Variants in HDAC9 observed in about 807,000 individuals in gnomAD.
HDAC9 encodes the protein MEF-2 interacting transcription repressor (MITR) protein.
Under a neutral mutation model 139.4 loss-of-function variants are expected in HDAC9, and 41 were observed. The ratio of observed to expected loss-of-function variants is 0.29; its 90% CI spans 0.23 to 0.38. The LOEUF is 0.38. Among genes scored for constraint, HDAC9 ranks in the 10% least tolerant of loss-of-function variants. The pLI is 1.00. For synonymous variants in HDAC9, 517 were observed against 476.2 expected (o/e 1.09, Z -1.12); for missense variants, 1,147 against 1,297.0 (o/e 0.88, Z 1.78).
chr7:18,814,244 C>T lies in HDAC9; in HGVS notation c.2323-14917C>T, dbSNP rs538739405. On this transcript the variant is annotated intron_variant, in intron 17 of 25. Transcript: ENST00000686413. Reference sequence around the variant, plus strand: ...ATAACATAAATGGGAAATAATGGTTCCTGAAATAAATTATAGTCTTTAGCA... The same window carrying T: ...ATAACATAAATGGGAAATAATGGTTTCTGAAATAAATTATAGTCTTTAGCA... Among the ~76,000 whole-genome samples, 22 of 152,154 alleles carry T rather than the reference C, an allele frequency of 1.4e-4. No individual in the cohort carries two copies. In the South Asian group the frequency reaches 4.6e-3, roughly 32 times the overall value.
intron 2 of HDAC9, among the ~76,000 whole-genome samples, chr7:18,258,647 G>A (rs1795438778): frequency 6.6e-6 from 1 of 152,138 alleles, no homozygotes; most frequent in Non-Finnish European, 1.5e-5. Flanking sequence ...AAATAACTTG[G>A]TTTAGATTAC....
At chr7:18,491,305 G>T (rs566903913), upstream of HDAC9, among the ~76,000 whole-genome samples, 2 of 151,508 alleles carry the variant, frequency 1.3e-5, no homozygotes, top group African/African-American at 4.8e-5. Flanking sequence ...ATAAATAATG[G>T]CACATATTTT....
chr7:18,093,906 T>C (rs1257519119), intron 1 of HDAC9, among the ~76,000 whole-genome samples: 1 of 152,192 alleles, frequency 6.6e-6, no homozygotes, highest in Non-Finnish European at 1.5e-5. Flanking sequence ...CTAGTTCCAT[T>C]GATCAGAATC....
chr7:18,747,164 T>C (rs2129145906), intron 13 of HDAC9, among the ~76,000 whole-genome samples: 1 of 152,152 alleles, frequency 6.6e-6, no homozygotes, highest in African/African-American at 2.4e-5. Context: ...GATATATGAA[T>C]TGAAGCTGGA....
intron 1 of HDAC9, among the ~76,000 whole-genome samples, chr7:18,300,936 C>T (rs963991263): frequency 2.0e-5 from 3 of 152,114 alleles, no homozygotes; most frequent in African/African-American, 7.2e-5. Context: ...TAAGGGAGAG[C>T]TCACACTATT....
chr7:18,859,420 G>C (rs550611513), intron 21 of HDAC9, among the ~76,000 whole-genome samples: 36 of 152,100 alleles, frequency 2.4e-4, no homozygotes, highest in Middle Eastern at 3.4e-3. Context: ...CTGCACTTCA[G>C]AACTCTATTC....
intron 22 of HDAC9, among the ~76,000 whole-genome samples, chr7:18,918,366 G>C (rs995378334): frequency 6.6e-6 from 1 of 151,888 alleles, no homozygotes; most frequent in Non-Finnish European, 1.5e-5. Flanking sequence ...GGAAATCCAA[G>C]AATGTGATGG....
intron 12 of HDAC9, among the ~76,000 whole-genome samples, chr7:18,716,770 G>A (rs1467684468): frequency 7.2e-5 from 11 of 152,076 alleles, no homozygotes; most frequent in African/African-American, 2.7e-4. Flanking sequence ...CAGAATCATG[G>A]GTTAACTAAA....
chr7:18,514,871 C>T (rs1802673350), intron 2 of HDAC9, among the ~76,000 whole-genome samples: 1 of 152,036 alleles, frequency 6.6e-6, no homozygotes. Flanking sequence ...TGCTTGAGTC[C>T]AGGAATTTGA....
chr7:18,836,517 A>C (rs1449970793), intron 21 of HDAC9, among the ~76,000 whole-genome samples: 2 of 152,202 alleles, frequency 1.3e-5, no homozygotes, highest in Non-Finnish European at 2.9e-5. Context: ...TTTCACATGA[A>C]AACATTAACT....
chr7:18,960,069 G>T (rs557576750), intron 24 of HDAC9, among the ~76,000 whole-genome samples: 1 of 150,916 alleles, frequency 6.6e-6, no homozygotes, highest in Non-Finnish European at 1.5e-5. Context: ...AATGAGAAGT[G>T]AATTTATAAT....
At chr7:18,145,742 G>A (rs1001823366) in intron 1 of HDAC9, among the ~76,000 whole-genome samples, 1 of 152,138 alleles carries the variant, frequency 6.6e-6, no homozygotes, top group Non-Finnish European at 1.5e-5. Flanking sequence ...TAGAATGGAT[G>A]TGCTGAATCT....
chr7:18,504,505 A>G lies in HDAC9; in HGVS notation c.22+8181A>G, dbSNP rs809045. Among the ~76,000 whole-genome samples, 598 of 152,298 alleles carry G rather than the reference A, an allele frequency of 3.9e-3. 4 individuals carry two copies. Among genetic ancestry groups the G allele is most frequent in the African/African-American group, 0.014 (578 of 41,558 alleles). ...GTTTTAGTAGAGATGGGGTTTCGCC[A>G]TATTGGCCAGGCTGGTCTCGAACTC... On this transcript the variant is annotated intron_variant, in intron 2 of 25. Coordinates refer to ENST00000686413, the MANE Select transcript of HDAC9 (RefSeq NM_178425.4).
chr7:18,899,264 G>A (rs1395402735), intron 22 of HDAC9: 5 of 151,966 alleles, frequency 3.3e-5, no homozygotes, highest in African/African-American at 1.2e-4. Flanking sequence ...TTTGAAGTGA[G>A]CTCCTATGTG....
chr7:18,313,130 T>C (rs186452607), intron 1 of HDAC9, among the ~76,000 whole-genome samples: 3 of 152,278 alleles, frequency 2.0e-5, no homozygotes, highest in African/African-American at 7.2e-5. Flanking sequence ...AAAACATTTC[T>C]TCATCACCTG....
intron 22 of HDAC9, among the ~76,000 whole-genome samples, chr7:18,897,238 C>A (rs181250743): frequency 6.6e-6 from 1 of 151,956 alleles, no homozygotes; most frequent in East Asian, 1.9e-4. Flanking sequence ...TTATTTGTAA[C>A]AGAGTGTGGT....
intron 21 of HDAC9, among the ~76,000 whole-genome samples, chr7:18,838,871 T>C (rs11980610): frequency 0.012 from 1,803 of 152,150 alleles, 38 homozygotes; most frequent in African/African-American, 0.04. Flanking sequence ...GATCGCTGCT[T>C]ATTTTACTAG....
At chr7:18,951,750 A>G (rs1238847364) in intron 23 of HDAC9, among the ~76,000 whole-genome samples, 1 of 151,798 alleles carries the variant, frequency 6.6e-6, no homozygotes, top group South Asian at 2.1e-4. Flanking sequence ...AAAAATGAAT[A>G]TTTAATATTA....
chr7:18,160,226 C>T (rs1192937433), intron 1 of HDAC9, among the ~76,000 whole-genome samples: 1 of 152,206 alleles, frequency 6.6e-6, no homozygotes, highest in Non-Finnish European at 1.5e-5. Context: ...GCTTCACTTA[C>T]ATTCTCTAAA....
Sources: allele counts gnomAD v4.1 joint callset (sites outside exome capture counted in the v4.1 genomes callset), GRCh38; gene constraint gnomAD v4.1.1; transcripts MANE v1.5; gene names NCBI Gene and HGNC (gene_info 2026-07-23, HGNC 2026-07-21).